MCF2L2: variants seen among roughly 807,000 people sequenced by gnomAD.
MCF2L2 encodes probable guanine nucleotide exchange factor MCF2L2.
A neutral mutation model predicts 150.2 loss-of-function variants in MCF2L2; 102 were observed. That is an observed-to-expected ratio of 0.68 (90% confidence interval 0.58 to 0.80). The LOEUF (loss-of-function observed/expected upper bound fraction) is 0.80, where lower values mean the gene tolerates loss of function less well. Among genes scored for constraint, MCF2L2 ranks in the 30% least tolerant of loss-of-function variants. The pLI is 0.00. For synonymous variants in MCF2L2, 465 were observed against 491.3 expected (o/e 0.95, Z 0.71); for missense variants, 1,256 against 1,372.8 (o/e 0.91, Z 1.34).
At chr3:183,220,775 G>A (rs1174237760) in intron 20 of MCF2L2, among the ~76,000 whole-genome samples, 2 of 152,130 alleles carry the variant, frequency 1.3e-5, no homozygotes, top group Non-Finnish European at 2.9e-5. Flanking sequence ...ATAACTAGAG[G>A]TGTAGAACTT....
At chr3:183,215,513 T>C (rs915290760) in intron 22 of MCF2L2, among the ~76,000 whole-genome samples, 2 of 152,222 alleles carry the variant, frequency 1.3e-5, no homozygotes, top group Non-Finnish European at 2.9e-5. Flanking sequence ...TTAATGCATG[T>C]ACACTATATA....
intron 1 of MCF2L2, among the ~76,000 whole-genome samples, chr3:183,409,151 T>C (rs1715191453): frequency 6.6e-6 from 1 of 152,238 alleles, no homozygotes; most frequent in Non-Finnish European, 1.5e-5. Flanking sequence ...CAGTTTTTCT[T>C]TGGAAGAAAG....
rs1037272812 is a variant in MCF2L2, at chr3:183,351,442, C to G, written c.276-9812G>C. Among the ~76,000 whole-genome samples the G allele has an allele frequency of 4.6e-5, 7 of 151,596 alleles. No homozygotes were observed. In the South Asian group the frequency reaches 1.5e-3, roughly 32 times the overall value. On this transcript the variant is annotated intron_variant, in intron 3 of 29. Transcript: ENST00000328913. ...GTCAATTGAAATTTTATTGCATTGC[C>G]ATCAGAACTGAGTCAAATGTAGGGT...
chr3:183,339,813 G>A (rs1730628992), intron 4 of MCF2L2, among the ~76,000 whole-genome samples: 1 of 152,054 alleles, frequency 6.6e-6, no homozygotes, highest in African/African-American at 2.4e-5. Flanking sequence ...GATTCATTAG[G>A]ACTGGGATGA....
At chr3:183,223,301 C>T (rs776817962) in intron 20 of MCF2L2, 45 bp downstream of exon 20, 12 of 1,424,708 alleles carry the variant, frequency 8.4e-6, no homozygotes, top group Admixed American at 1.7e-5. Flanking sequence ...ACAGTGCAGG[C>T]GTCTGGTTTC....
chr3:183,410,685 C>A (rs757934018), intron 1 of MCF2L2, among the ~76,000 whole-genome samples: 6 of 152,224 alleles, frequency 3.9e-5, no homozygotes, highest in African/African-American at 7.2e-5. Context: ...GCCTGTAAAA[C>A]CGTCTAAGTA....
At chr3:183,218,005 G>T (rs1383444212) in intron 21 of MCF2L2, among the ~76,000 whole-genome samples, 1 of 152,130 alleles carries the variant, frequency 6.6e-6, no homozygotes, top group Admixed American at 6.5e-5. Context: ...AAAAAATTTT[G>T]GTTTATTCAA....
intron 15 of MCF2L2, among the ~76,000 whole-genome samples, chr3:183,263,330 T>C (rs755836206): frequency 3.1e-4 from 47 of 152,078 alleles, no homozygotes; most frequent in Non-Finnish European, 5.9e-4. Flanking sequence ...CTCCCCAACC[T>C]CAAACCAGCC....
intron 1 of MCF2L2, among the ~76,000 whole-genome samples, chr3:183,408,726 A>C (rs1369803076): frequency 1.3e-5 from 2 of 152,248 alleles, no homozygotes; most frequent in African/African-American, 4.8e-5. Context: ...GGTAGAAAAA[A>C]ACAGACACAC....
chr3:183,193,047 C>A lies in MCF2L2; in HGVS notation c.2968G>T (p.Ala990Ser). 6.2e-7 allele frequency: 1 copy of A among 1,614,132 alleles called. No individual in the cohort carries two copies. The highest frequency in any genetic ancestry group is 8.5e-7 in the Non-Finnish European group (1 of 1,180,022). ...SGPWIKNMERATTSKEDPASS... is the reference protein window; with the variant it reads ...SGPWIKNMERSTTSKEDPASS... The stretch of plus-strand genomic sequence containing the variant: ...GCCGGGTCTTCCTTGCTAGTGGTAG[C>A]TCTTTCCATATTTTTAATCCATGGT... Residue 990 changes from alanine to serine, a missense_variant, in exon 27 of 30, where the codon GCT (alanine) becomes TCT (serine). Physicochemically the swap from Ala to Ser is moderately conservative, Grantham distance 99 (BLOSUM62 1). Transcript: ENST00000328913.
Position 183,275,846 on chromosome 3 carries a change from G to C in MCF2L2, c.1862+1026C>G, listed in dbSNP as rs560712431. Among the ~76,000 whole-genome samples, 6 of 152,248 alleles carry C rather than the reference G, an allele frequency of 3.9e-5. No individual in the cohort carries two copies. The South Asian group carries it at 1.2e-3, about 32-fold the overall frequency. ...GCTCAGGCTGGTCTTCAACTCCTGG[G>C]CTCGAGCAATCCTCCTACCTCAGCC... On this transcript the variant is annotated intron_variant, in intron 15 of 29. Coordinates refer to ENST00000328913, the MANE Select transcript of MCF2L2 (RefSeq NM_015078.4).
At chr3:183,328,809 T>C (rs985814192) in intron 5 of MCF2L2, among the ~76,000 whole-genome samples, 5 of 151,882 alleles carry the variant, frequency 3.3e-5, no homozygotes, top group African/African-American at 1.2e-4. Flanking sequence ...CCAGAACATA[T>C]AAAGAACTCT....
intron 15 of MCF2L2, among the ~76,000 whole-genome samples, chr3:183,276,066 G>A (rs1255259902): frequency 1.3e-5 from 2 of 152,190 alleles, no homozygotes; most frequent in Non-Finnish European, 2.9e-5. Flanking sequence ...TTGCCAAATG[G>A]TGTTTTTCAG....
intron 25 of MCF2L2, among the ~76,000 whole-genome samples, chr3:183,205,523 G>A (rs1263177508): frequency 1.3e-5 from 2 of 152,286 alleles, no homozygotes; most frequent in East Asian, 3.9e-4. Flanking sequence ...ATTATATCTT[G>A]ATGTTTTAAA....
chr3:183,188,291 T>C (rs1439532663), intron 27 of MCF2L2, among the ~76,000 whole-genome samples: 1 of 152,152 alleles, frequency 6.6e-6, no homozygotes, highest in Non-Finnish European at 1.5e-5. Flanking sequence ...CTTGCTGTGT[T>C]CCCTAGTGGA....
At chr3:183,333,326 C>T (rs1730341923) in intron 5 of MCF2L2, among the ~76,000 whole-genome samples, 1 of 152,202 alleles carries the variant, frequency 6.6e-6, no homozygotes, top group South Asian at 2.1e-4. Context: ...GGATTATAGG[C>T]TTGAGCCACT....
At chr3:183,416,651 T>A (rs942117196) in intron 1 of MCF2L2, among the ~76,000 whole-genome samples, 32 of 152,190 alleles carry the variant, frequency 2.1e-4, no homozygotes, top group African/African-American at 7.5e-4. Context: ...GCAATATAAT[T>A]GGCCCTCTGT....
chr3:183,183,298 C>T (rs1038634895), intron 27 of MCF2L2, among the ~76,000 whole-genome samples: 6 of 152,216 alleles, frequency 3.9e-5, no homozygotes, highest in African/African-American at 1.4e-4. Flanking sequence ...TGCCCACCTC[C>T]TGGGCTGACT....
intron 27 of MCF2L2, 92 bp downstream of exon 27, chr3:183,192,907 G>T: frequency 1.1e-6 from 1 of 872,508 alleles, no homozygotes; most frequent in Non-Finnish European, 1.8e-6. Context: ...CTAAAGAAGG[G>T]CTGGGCCCTA....
Sources: allele counts gnomAD v4.1 joint callset (sites outside exome capture counted in the v4.1 genomes callset), GRCh38; gene constraint gnomAD v4.1.1; transcripts MANE v1.5; gene names NCBI Gene and HGNC (gene_info 2026-07-23, HGNC 2026-07-21).